U2SURP: variants seen among roughly 807,000 people sequenced by gnomAD.
U2SURP encodes U2 snRNP-associated SURP motif-containing protein.
U2SURP carries 9 observed loss-of-function variants against 144.9 expected under a neutral mutation model. That is an observed-to-expected ratio of 0.06 (90% CI 0.04 to 0.11). The LOEUF (loss-of-function observed/expected upper bound fraction) is 0.11, where lower values mean the gene tolerates loss of function less well. U2SURP is among the 10% of genes least tolerant of loss of function. U2SURP has a pLI of 1.00. For synonymous variants in U2SURP, 408 were observed against 396.8 expected, an observed-to-expected ratio of 1.03 and a Z score of -0.33; for missense variants, 724 against 1,226.7, an observed-to-expected ratio of 0.59 and a Z score of 6.12.
intron 10 of U2SURP, among the ~76,000 whole-genome samples, chr3:143,021,858 T>G (rs1349428204): frequency 1.3e-5 from 2 of 152,242 alleles, no homozygotes; most frequent in East Asian, 1.9e-4. Flanking sequence ...CATACTTGTT[T>G]CCTTGTGGAG....
chr3:143,034,713 A>G (rs1933714570), intron 18 of U2SURP, 175 bp from the exon 19 acceptor site: 8 of 530,544 alleles, frequency 1.5e-5, no homozygotes, highest in Admixed American at 1.3e-4. Context: ...CAGAGTAATA[A>G]GAGTTCAAGC....
intron 2 of U2SURP, 119 bp from the exon 3 acceptor site, chr3:143,012,103 T>C (rs1006616424): frequency 4.8e-5 from 62 of 1,279,772 alleles, no homozygotes; most frequent in Non-Finnish European, 6.6e-5. Flanking sequence ...AGGGATGTGA[T>C]ATTTTGATAA....
At chr3:143,022,408 TTTATTTTGTAAA>T in intron 10 of U2SURP, 77 bp from the exon 11 acceptor site, 1 of 1,320,660 alleles carries the variant, frequency 7.6e-7, no homozygotes, top group Non-Finnish European at 1.0e-6. Context: ...TATGTTGCTT[TTTATTTTGTAAA>T]AACTACTTTG....
intron 13 of U2SURP, chr3:143,024,562 T>C: frequency 2.4e-6 from 1 of 423,156 alleles, no homozygotes; most frequent in Non-Finnish European, 4.6e-6. Flanking sequence ...TTTGGAATTC[T>C]TTTATTTTCC....
chr3:143,016,421 T>A, intron 5 of U2SURP, 50 bp downstream of exon 5: 1 of 1,488,712 alleles, frequency 6.7e-7, no homozygotes, highest in Non-Finnish European at 9.2e-7. Context: ...TATTACAGTT[T>A]TTGAGCGAGC....
At chr3:143,055,146 T>C in intron 27 of U2SURP, 27 bp downstream of exon 27, 2 of 1,521,226 alleles carry the variant, frequency 1.3e-6, no homozygotes, top group Non-Finnish European at 1.8e-6. Flanking sequence ...TTTGCTAATA[T>C]TTCAGATACC....
At position 143,001,618 on chromosome 3, in the gene U2SURP, C is replaced by G. The variant is rs372971680; in HGVS notation, c.-11C>G. Reference sequence around the variant, plus strand: ...GCTGCTGCCGCCGCCGAAGGAGGGGCAAAGCTCAAGATGGCGGACAAAACG... The same window carrying G: ...GCTGCTGCCGCCGCCGAAGGAGGGGGAAAGCTCAAGATGGCGGACAAAACG... On this transcript the variant is annotated 5_prime_UTR_variant, in exon 1 of 28. Coordinates refer to ENST00000473835, the MANE Select transcript of U2SURP (RefSeq NM_001080415.2). The G allele has an allele frequency of 6.2e-7, 1 of 1,613,866 alleles. No individual in the cohort carries two copies. Among genetic ancestry groups the G allele is most frequent in the Non-Finnish European group, 8.5e-7 (1 of 1,179,868 alleles).
chr3:143,052,837 T>G (rs1934955643), intron 25 of U2SURP, among the ~76,000 whole-genome samples: 2 of 152,182 alleles, frequency 1.3e-5, no homozygotes, highest in Admixed American at 6.5e-5. Flanking sequence ...AGTGAAGAAC[T>G]AAGTTAGTTG....
At chr3:143,013,257 T>C (rs1936203121) in intron 3 of U2SURP, among the ~76,000 whole-genome samples, 1 of 152,122 alleles carries the variant, frequency 6.6e-6, no homozygotes, top group Non-Finnish European at 1.5e-5. Flanking sequence ...TTGTTTAAAC[T>C]TTTGAAGTTG....
chr3:143,056,265 T>C, intron 27 of U2SURP, 47 bp from the exon 28 acceptor site: 1 of 1,542,020 alleles, frequency 6.5e-7, no homozygotes, highest in South Asian at 1.2e-5. Context: ...ACAGTTTTGA[T>C]CACATGAGTA....
chr3:143,050,283 G>T (rs1475317238), intron 24 of U2SURP, among the ~76,000 whole-genome samples: 2 of 152,176 alleles, frequency 1.3e-5, no homozygotes, highest in Admixed American at 1.3e-4. Context: ...ATGTTGGTCA[G>T]GCTGGTCTTG....
At chr3:143,041,164 G>T (rs998177975) in intron 23 of U2SURP, among the ~76,000 whole-genome samples, 3 of 151,750 alleles carry the variant, frequency 2.0e-5, no homozygotes, top group African/African-American at 7.3e-5. Context: ...GTTTAACAAA[G>T]TCACGTCCTT....
rs1324180329 is a variant in U2SURP, at chr3:143,022,968, A to G, written c.1134A>G (p.Pro378=). 1.2e-6 allele frequency: 2 copies of G among 1,612,330 alleles called. No homozygotes were observed. Among genetic ancestry groups the G allele is most frequent in the Admixed American group, 1.7e-5 (1 of 59,784 alleles). Residue 378 remains proline (P), a synonymous_variant, in exon 12 of 28, where the codon CCA becomes CCG. Coordinates refer to ENST00000473835, the MANE Select transcript of U2SURP (RefSeq NM_001080415.2). ...SMMEHTLPPP[P]SGLPFNAQPR... ...TGGAACATACGCTTCCCCCACCTCC[A>G]TCCGGACTGCCTTTTAATGCGCAGC...
intron 7 of U2SURP, 47 bp downstream of exon 7, chr3:143,020,083 G>T: frequency 8.3e-7 from 1 of 1,206,928 alleles, no homozygotes; most frequent in South Asian, 1.7e-5. Flanking sequence ...GTATTGAGCT[G>T]ATACATAAAC....
rs531148462 is a variant in U2SURP, at chr3:143,046,339, T to A, written c.2544+3063T>A. Among the ~76,000 whole-genome samples the A allele has an allele frequency of 5.4e-4, 79 of 146,710 alleles. 1 individual carries two copies. The highest frequency in any genetic ancestry group is 1.3e-3 in the Admixed American group (19 of 14,736). On this transcript the variant is annotated intron_variant, in intron 24 of 27. Coordinates refer to ENST00000473835, the MANE Select transcript of U2SURP (RefSeq NM_001080415.2). ...TTTTTTTATTTTTTATTTTTTTTTT[T>A]ATTGATCATTCTTGGGTGTTTCTCG...
At chr3:143,012,064 C>G in intron 2 of U2SURP, 158 bp from the exon 3 acceptor site, 2 of 967,840 alleles carry the variant, frequency 2.1e-6, no homozygotes, top group Non-Finnish European at 3.2e-6. Flanking sequence ...TTCTTAAGAA[C>G]TTTTTTGGTG....
intron 1 of U2SURP, among the ~76,000 whole-genome samples, chr3:143,004,405 C>G (rs1291164417): frequency 7.6e-6 from 1 of 131,144 alleles, no homozygotes; most frequent in East Asian, 2.2e-4. Flanking sequence ...GCCTTGTCGC[C>G]CAGGCTGGAG....
chr3:143,024,386 T>A, intron 13 of U2SURP: 1 of 370,070 alleles, frequency 2.7e-6, no homozygotes, highest in South Asian at 2.1e-5. Flanking sequence ...TATTTTTTTC[T>A]TGTTTTCTGA....
At chr3:143,046,807 A>G in intron 24 of U2SURP, among the ~76,000 whole-genome samples, 1 of 129,066 alleles carries the variant, frequency 7.7e-6, no homozygotes, top group African/African-American at 3.3e-5. Flanking sequence ...CATTGTCATC[A>G]TGGCCCGTTC....
Sources: gnomAD v4.1 joint callset for allele counts (sites outside exome capture counted in the v4.1 genomes callset) on GRCh38, gnomAD v4.1.1 for gene constraint, MANE v1.5 for transcripts, NCBI Gene and HGNC (gene_info 2026-07-23, HGNC 2026-07-21) for gene names.